The following TDRD12 variants were observed in gnomAD, a reference collection of about 807,000 sequenced individuals.
TDRD12 encodes the protein tudor domain containing 12.
Under a neutral mutation model 133.5 loss-of-function variants are expected in TDRD12, and 158 were observed. The ratio of observed to expected loss-of-function variants is 1.18; its 90% confidence interval spans 1.04 to 1.35. The LOEUF (loss-of-function observed/expected upper bound fraction) is 1.35, where lower values mean the gene tolerates loss of function less well. Ranked by LOEUF, TDRD12 falls within the 40% of genes most tolerant of loss-of-function variation. TDRD12 has a pLI of 0.00. For missense variants in TDRD12, 1,443 were observed against 1,321.3 expected, an observed-to-expected ratio of 1.09 and a Z score of -1.43; for synonymous variants, 460 against 477.9, an observed-to-expected ratio of 0.96 and a Z score of 0.49.
exon 19 of TDRD12, chr19:32,801,826 T>C (rs1476112552): frequency 1.4e-6 from 2 of 1,470,170 alleles, no homozygotes; most frequent in South Asian, 2.5e-5. Flanking sequence ...CAAAATGTTT[T>C]AGAACAGTGG....
At chr19:32,783,735 G>A (rs1192504745) in intron 11 of TDRD12, among the ~76,000 whole-genome samples, 2 of 152,132 alleles carry the variant, frequency 1.3e-5, no homozygotes, top group Non-Finnish European at 2.9e-5. Flanking sequence ...AATTGTGAAT[G>A]GGAGTTCACT....
chr19:32,789,863 G>A (rs1453690310), intron 11 of TDRD12, among the ~76,000 whole-genome samples: 2 of 152,120 alleles, frequency 1.3e-5, no homozygotes, highest in African/African-American at 2.4e-5. Context: ...TTAGCTGGGT[G>A]TGGTGGTGGA....
intron 17 of TDRD12, 134 bp downstream of exon 17, chr19:32,800,492 A>G (rs1465241473): frequency 3.1e-6 from 3 of 966,824 alleles, no homozygotes; most frequent in Non-Finnish European, 2.9e-6. Flanking sequence ...TTCATATATA[A>G]ATTATGAATG....
At chr19:32,749,470 G>A (rs1334538230) in intron 5 of TDRD12, among the ~76,000 whole-genome samples, 1 of 152,128 alleles carries the variant, frequency 6.6e-6, no homozygotes, top group African/African-American at 2.4e-5. Context: ...GAGTAGCCGG[G>A]TGCTGCACTC....
At chr19:32,811,323 A>G in exon 24 of TDRD12, 1 of 1,536,128 alleles carries the variant, frequency 6.5e-7, no homozygotes, top group Non-Finnish European at 8.7e-7. Flanking sequence ...CAGCTGCTGC[A>G]TCTCCCAGAA....
At chr19:32,826,266 T>C in exon 8 of TDRD12, 1 of 1,463,856 alleles carries the variant, frequency 6.8e-7, no homozygotes, top group South Asian at 1.4e-5. Flanking sequence ...AATAAAATGG[T>C]TCCAAAAAGA....
At position 32,777,085 on chromosome 19, in the gene TDRD12, G is replaced by A. The variant is rs1396670804; in HGVS notation, c.1041-64G>A. The A allele has an allele frequency of 9.1e-6, 9 of 991,208 alleles. No homozygotes were observed. In the East Asian group the frequency reaches 1.6e-4, roughly 18 times the overall value. 61.4% of individuals were successfully genotyped at this position (991,208 alleles called of 1,614,324 possible). A position where few individuals can be genotyped will look rare whatever the true frequency, so the allele number is the denominator to read the frequency against. On this transcript the variant is annotated intron_variant, in intron 10 of 27. Transcript: ENST00000444215. ...ATTTTTTTATTTTTGTCGAGATGGG[G>A]ACTCACTGTGTTGCCCAGGCTGCTG...
chr19:32,823,820 C>G (rs1266080934), downstream of TDRD12, among the ~76,000 whole-genome samples: 1 of 152,206 alleles, frequency 6.6e-6, no homozygotes, highest in Non-Finnish European at 1.5e-5. Flanking sequence ...CGGTAGCAGA[C>G]CGGGATCCAG....
At chr19:32,803,240 C>T in intron 21 of TDRD12, 98 bp downstream of exon 21, 1 of 933,620 alleles carries the variant, frequency 1.1e-6, no homozygotes, top group Non-Finnish European at 1.6e-6. Context: ...CTAGAAGCCA[C>T]CACCCACTCT....
intron 11 of TDRD12, among the ~76,000 whole-genome samples, chr19:32,789,277 C>T (rs1599587882): frequency 1.3e-5 from 2 of 152,334 alleles, no homozygotes; most frequent in Admixed American, 1.3e-4. Flanking sequence ...TTCCAACATT[C>T]TGTTCTGGAA....
intron 12 of TDRD12, 160 bp downstream of exon 12, chr19:32,790,751 G>C: frequency 6.6e-7 from 1 of 1,521,948 alleles, no homozygotes; most frequent in Non-Finnish European, 8.8e-7. Context: ...CGAATGGATT[G>C]TTGCTTCTGA....
chr19:32,756,784 A>G (rs1212492003), intron 7 of TDRD12, among the ~76,000 whole-genome samples: 1 of 152,190 alleles, frequency 6.6e-6, no homozygotes, highest in African/African-American at 2.4e-5. Context: ...GACTTTAGAC[A>G]CCTTTAAAAA....
chr19:32,808,963 A>C (rs899611644), intron 22 of TDRD12, among the ~76,000 whole-genome samples: 1 of 151,762 alleles, frequency 6.6e-6, no homozygotes, highest in African/African-American at 2.4e-5. Flanking sequence ...ATTATTATAC[A>C]TTTTGTTATT....
intron 1 of TDRD12, 22 bp downstream of exon 1, chr19:32,720,118 C>T (rs1968576330): frequency 4.5e-6 from 7 of 1,545,740 alleles, no homozygotes; most frequent in Non-Finnish European, 6.1e-6. Flanking sequence ...CAAGCCAGAC[C>T]CACGCCAGAC....
At chr19:32,728,886 A>G (rs1968949135) in intron 1 of TDRD12, among the ~76,000 whole-genome samples, 1 of 146,026 alleles carries the variant, frequency 6.8e-6, no homozygotes, top group Non-Finnish European at 1.5e-5. Context: ...TAACCTTGTG[A>G]TCCGCCCGTC....
intron 24 of TDRD12, among the ~76,000 whole-genome samples, chr19:32,813,006 C>CT (rs938188576): frequency 6.6e-6 from 1 of 150,990 alleles, no homozygotes; most frequent in Admixed American, 6.6e-5. Flanking sequence ...ACCCCCATCT[C>CT]TAAAAAAAAA....
chr19:32,812,510 C>A (rs1265931823), intron 24 of TDRD12, among the ~76,000 whole-genome samples: 2 of 152,188 alleles, frequency 1.3e-5, no homozygotes, highest in African/African-American at 2.4e-5. Flanking sequence ...AAATACACAA[C>A]CTTACTCTTC....
chr19:32,739,079 A>G (rs978507160), intron 3 of TDRD12, 87 bp downstream of exon 3: 1 of 1,465,356 alleles, frequency 6.8e-7, no homozygotes, highest in African/African-American at 1.4e-5. Flanking sequence ...GTACGGGGCT[A>G]GAGGTCACTA....
intron 2 of TDRD12, among the ~76,000 whole-genome samples, chr19:32,733,281 C>T (rs2145440717): frequency 6.6e-6 from 1 of 152,200 alleles, no homozygotes; most frequent in South Asian, 2.1e-4. Context: ...CCAGCCTGGC[C>T]AACATAGTGA....
Sources: allele counts gnomAD v4.1 joint callset (sites outside exome capture counted in the v4.1 genomes callset), GRCh38; gene constraint gnomAD v4.1.1; transcripts MANE v1.5; gene names NCBI Gene and HGNC (gene_info 2026-07-23, HGNC 2026-07-21).